The following ACCSL variants were observed in gnomAD, a reference collection of about 807,000 sequenced individuals.
ACCSL encodes the protein 1-aminocyclopropane-1-carboxylate synthase homolog (inactive) like.
A neutral mutation model predicts 61.7 loss-of-function variants in ACCSL; 55 were observed. The ratio of observed to expected loss-of-function variants is 0.89; its 90% CI spans 0.72 to 1.12. The LOEUF (loss-of-function observed/expected upper bound fraction) is 1.12. Among genes scored for constraint, ACCSL ranks in the 50% most tolerant of loss-of-function variants. The pLI is 0.00. For synonymous variants in ACCSL, 258 were observed against 264.3 expected (o/e 0.98, Z 0.23); for missense variants, 632 against 698.0 (o/e 0.91, Z 1.07).
the ACCSL span, among the ~76,000 whole-genome samples, chr11:44,006,556 A>G: frequency 7.7e-6 from 1 of 130,332 alleles, no homozygotes; most frequent in African/African-American, 3.0e-5. Flanking sequence ...CCCAGGCTGG[A>G]GTGCAGTGGT....
chr11:43,962,247 A>G, the ACCSL span, among the ~76,000 whole-genome samples: 1 of 152,228 alleles, frequency 6.6e-6, no homozygotes, highest in Admixed American at 6.5e-5. Context: ...CATAGGCTGG[A>G]AATCTACGGA....
chr11:43,957,984 C>T, the ACCSL span, among the ~76,000 whole-genome samples: 1 of 152,220 alleles, frequency 6.6e-6, no homozygotes, highest in African/African-American at 2.4e-5. Flanking sequence ...TCAGACCTAA[C>T]TGACCCATCT....
At chr11:44,005,922 C>T in the ACCSL span, among the ~76,000 whole-genome samples, 454 of 152,298 alleles carry the variant, frequency 3.0e-3, 2 homozygotes, top group Non-Finnish European at 5.1e-3. Context: ...GTGTAAACTC[C>T]AAAGATCCGC....
chr11:44,029,955 TC>T, the ACCSL span, among the ~76,000 whole-genome samples: 1 of 150,464 alleles, frequency 6.6e-6, no homozygotes, highest in Non-Finnish European at 1.5e-5. Flanking sequence ...CAAACCAGGG[TC>T]CCCTGGGCCT....
chr11:44,036,443 G>A, the ACCSL span, among the ~76,000 whole-genome samples: 1 of 152,208 alleles, frequency 6.6e-6, no homozygotes, highest in African/African-American at 2.4e-5. Flanking sequence ...TCATTGAATT[G>A]TTGGGAGGCC....
chr11:43,951,536 C>T, the ACCSL span, among the ~76,000 whole-genome samples: 2 of 152,038 alleles, frequency 1.3e-5, no homozygotes, highest in African/African-American at 2.4e-5. Flanking sequence ...AGCACAAAGA[C>T]CAGAAGCCTT....
the ACCSL span, among the ~76,000 whole-genome samples, chr11:43,986,300 C>T: frequency 7.7e-6 from 1 of 129,350 alleles, no homozygotes; most frequent in Non-Finnish European, 1.7e-5. Context: ...TTCTCCCACC[C>T]CACCCCCACC....
the ACCSL span, among the ~76,000 whole-genome samples, chr11:43,972,553 G>A: frequency 6.6e-6 from 1 of 152,130 alleles, no homozygotes. Flanking sequence ...GCCCAGTCCT[G>A]CGGGTGACCA....
At chr11:43,950,333 AG>A in the ACCSL span, among the ~76,000 whole-genome samples, 1 of 152,208 alleles carries the variant, frequency 6.6e-6, no homozygotes, top group Non-Finnish European at 1.5e-5. Context: ...ACCTTGGCAA[AG>A]GAAACTTTCT....
chr11:44,014,216 A>G, the ACCSL span, among the ~76,000 whole-genome samples: 3 of 152,208 alleles, frequency 2.0e-5, no homozygotes, highest in African/African-American at 7.2e-5. Context: ...TCTGAAGGCC[A>G]GGGTTTCAAG....
the ACCSL span, among the ~76,000 whole-genome samples, chr11:44,012,579 A>G: frequency 5.9e-5 from 9 of 152,120 alleles, no homozygotes; most frequent in African/African-American, 2.2e-4. Context: ...GAGCCACTGT[A>G]CCCAGCCTTG....
the ACCSL span, chr11:43,926,381 A>T: frequency 2.8e-6 from 1 of 353,436 alleles, no homozygotes; most frequent in South Asian, 2.2e-5. Flanking sequence ...AGGGTCGCCG[A>T]CCAGGCTCAG....
the ACCSL span, among the ~76,000 whole-genome samples, chr11:43,971,109 G>A: frequency 6.6e-6 from 1 of 152,112 alleles, no homozygotes; most frequent in African/African-American, 2.4e-5. Flanking sequence ...GAGGTGGGCA[G>A]ATAACTTGAG....
the ACCSL span, among the ~76,000 whole-genome samples, chr11:44,039,401 G>T: frequency 6.6e-6 from 1 of 152,170 alleles, no homozygotes; most frequent in African/African-American, 2.4e-5. Context: ...AGTAACTCAG[G>T]AATGGAAAAC....
At chr11:43,941,325 G>GA in the ACCSL span, among the ~76,000 whole-genome samples, 3 of 152,174 alleles carry the variant, frequency 2.0e-5, no homozygotes, top group African/African-American at 7.2e-5. Flanking sequence ...CCATTAGAAT[G>GA]TAACTTTCAT....
At chr11:44,021,272 C>G in the ACCSL span, among the ~76,000 whole-genome samples, 1 of 152,168 alleles carries the variant, frequency 6.6e-6, no homozygotes, top group Non-Finnish European at 1.5e-5. Context: ...CACATCCATG[C>G]CAACATCTAT....
the ACCSL span, among the ~76,000 whole-genome samples, chr11:44,015,848 G>A: frequency 6.6e-6 from 1 of 152,148 alleles, no homozygotes; most frequent in African/African-American, 2.4e-5. Flanking sequence ...GTAAAATGGG[G>A]CAATCACACT....
At chr11:44,004,349 G>A in the ACCSL span, among the ~76,000 whole-genome samples, 11 of 152,080 alleles carry the variant, frequency 7.2e-5, no homozygotes, top group African/African-American at 1.7e-4. Flanking sequence ...CCCGCATACC[G>A]CCCTGGGGGA....
the ACCSL span, chr11:43,942,826 C>T: frequency 9.2e-6 from 10 of 1,089,116 alleles, no homozygotes; most frequent in African/African-American, 1.7e-4. Flanking sequence ...CTGCTGCCTC[C>T]CGGGGGGCCC....
Sources: gnomAD v4.1 joint callset for allele counts (sites outside exome capture counted in the v4.1 genomes callset) on GRCh38, gnomAD v4.1.1 for gene constraint, MANE v1.5 for transcripts, NCBI Gene and HGNC (gene_info 2026-07-23, HGNC 2026-07-21) for gene names.